Variants in TAF3 observed in about 807,000 individuals in gnomAD.
TAF3 encodes the protein transcription initiation factor TFIID subunit 3.
Under a neutral mutation model 80.6 loss-of-function variants are expected in TAF3, and 7 were observed. That is an observed-to-expected ratio of 0.09 (90% confidence interval 0.05 to 0.16). TAF3 has a LOEUF of 0.16. Among genes scored for constraint, TAF3 ranks in the 10% least tolerant of loss-of-function variants. The probability of loss-of-function intolerance (pLI) is 1.00; values close to 1 mark genes in which losing one functional copy is unlikely to be tolerated. For missense variants in TAF3, 921 were observed against 1,140.2 expected (o/e 0.81, Z 2.77); for synonymous variants, 444 against 446.1 (o/e 1.00, Z 0.06).
At position 8,013,849 on chromosome 10, in the gene TAF3, G is replaced by T. The variant is rs1208729322; in HGVS notation, c.2675+12G>T. On this transcript the variant is annotated intron_variant, in intron 6 of 6. Transcript: ENST00000344293. The stretch of plus-strand genomic sequence containing the variant: ...GACTGGTACCACTGGTGAGTGCCCA[G>T]GGCGCCCTGCCGGCCACACTCATTA... 6.2e-7 allele frequency: 1 copy of T among 1,611,560 alleles called. No individual in the cohort carries two copies. The highest frequency in any genetic ancestry group is 8.5e-7 in the Non-Finnish European group (1 of 1,177,680).
chr10:7,864,773 A>G (rs768240631), intron 2 of TAF3, among the ~76,000 whole-genome samples: 28 of 151,440 alleles, frequency 1.8e-4, no homozygotes, highest in Non-Finnish European at 3.2e-4. Context: ...TTTTATTAAC[A>G]TTATCTTTCA....
At chr10:7,939,363 T>C (rs1277740032) in intron 2 of TAF3, among the ~76,000 whole-genome samples, 1 of 151,998 alleles carries the variant, frequency 6.6e-6, no homozygotes, top group Non-Finnish European at 1.5e-5. Flanking sequence ...AACTGAGCTT[T>C]CCCAGGGAAA....
chr10:7,888,389 A>T (rs2131160947), intron 2 of TAF3, among the ~76,000 whole-genome samples: 1 of 152,274 alleles, frequency 6.6e-6, no homozygotes, highest in East Asian at 1.9e-4. Flanking sequence ...ATCTAAATTT[A>T]TAAAAAAAAA....
At chr10:7,983,029 A>G (rs1831740939) in intron 4 of TAF3, among the ~76,000 whole-genome samples, 1 of 151,518 alleles carries the variant, frequency 6.6e-6, no homozygotes, top group Non-Finnish European at 1.5e-5. Context: ...AGAGGGGAAA[A>G]CAGCAGGGGT....
At chr10:7,932,107 A>G (rs1837873802) in intron 2 of TAF3, among the ~76,000 whole-genome samples, 2 of 152,252 alleles carry the variant, frequency 1.3e-5, no homozygotes, top group South Asian at 4.1e-4. Context: ...TGAGTCTTAG[A>G]AATTTAACTC....
At chr10:7,875,248 T>A (rs1183557068) in intron 2 of TAF3, among the ~76,000 whole-genome samples, 1 of 152,194 alleles carries the variant, frequency 6.6e-6, no homozygotes, top group East Asian at 1.9e-4. Flanking sequence ...ACCATTTAAG[T>A]TGCAGGTAAT....
At chr10:7,840,317 T>C (rs1481394444) in intron 2 of TAF3, among the ~76,000 whole-genome samples, 2 of 151,968 alleles carry the variant, frequency 1.3e-5, no homozygotes, top group African/African-American at 4.8e-5. Context: ...CACGCCTGGC[T>C]AATTGTTTGT....
In TAF3 at chr10:8,009,961, G is replaced by T. The variant is rs1485301301; in HGVS notation, c.2568+631G>T. On this transcript the variant is annotated intron_variant, in intron 5 of 6. Transcript: ENST00000344293. The surrounding 1 kb of genome is among the most constrained non-coding windows in gnomAD (Gnocchi z 4.1). ...GGATTTCACTCTGTCACCGAGGCTG[G>T]AGTGCAGTGGTACGATCTCGGCTCA... Among the ~76,000 whole-genome samples the T allele has an allele frequency of 1.3e-5, 2 of 151,938 alleles. No individual in the cohort carries two copies. The highest frequency in any genetic ancestry group is 4.8e-5 in the African/African-American group (2 of 41,338).
intron 2 of TAF3, among the ~76,000 whole-genome samples, chr10:7,955,633 G>A (rs1009829962): frequency 1.3e-5 from 2 of 152,154 alleles, no homozygotes; most frequent in African/African-American, 2.4e-5. Flanking sequence ...TTAGATTATA[G>A]TGTTTCTTTA....
intron 2 of TAF3, among the ~76,000 whole-genome samples, chr10:7,957,674 CT>C: frequency 6.6e-6 from 1 of 151,940 alleles, no homozygotes; most frequent in Middle Eastern, 3.4e-3. Context: ...CAGAAGAGTC[CT>C]TTTCTCCCGT....
Position 7,957,619 on chromosome 10 carries a change from C to A in TAF3, c.410-6301C>A, listed in dbSNP as rs536852438. Reference sequence around the variant, plus strand: ...TGTGTGAAAACTTACAACTAACAATCAATTTTTTAAATTTTTTTTTCAATA... The same window carrying A: ...TGTGTGAAAACTTACAACTAACAATAAATTTTTTAAATTTTTTTTTCAATA... On this transcript the variant is annotated intron_variant, in intron 2 of 6. Transcript: ENST00000344293. Among the ~76,000 whole-genome samples, 17 of 152,128 alleles carry A rather than the reference C, an allele frequency of 1.1e-4. No homozygotes were observed. The South Asian group carries it at 3.5e-3, about 32-fold the overall frequency.
At chr10:7,961,256 G>A (rs1838187094) in intron 2 of TAF3, among the ~76,000 whole-genome samples, 1 of 152,204 alleles carries the variant, frequency 6.6e-6, no homozygotes, top group African/African-American at 2.4e-5. Flanking sequence ...ATGACCCCAG[G>A]TTCCTGACTT....
At chr10:7,861,951 T>A (rs1837152576) in intron 2 of TAF3, among the ~76,000 whole-genome samples, 1 of 152,230 alleles carries the variant, frequency 6.6e-6, no homozygotes, top group Non-Finnish European at 1.5e-5. Context: ...TTGATATTGT[T>A]CCATAGAGTC....
At chr10:7,943,208 A>G (rs1350095984) in intron 2 of TAF3, among the ~76,000 whole-genome samples, 1 of 152,114 alleles carries the variant, frequency 6.6e-6, no homozygotes, top group Non-Finnish European at 1.5e-5. Context: ...CTTGAATGAA[A>G]CAGGCGCTCG....
chr10:7,976,622 C>T (rs1831675912), intron 3 of TAF3, among the ~76,000 whole-genome samples: 1 of 152,106 alleles, frequency 6.6e-6, no homozygotes, highest in Non-Finnish European at 1.5e-5. Flanking sequence ...CCAAACTGAT[C>T]TCGAATTCCT....
chr10:7,824,411 T>A lies in TAF3; in HGVS notation c.260T>A (p.Ile87Asn), dbSNP rs753329147. ...GAACTAGAAGACTATATTCACAACA[T>A]TGAGCCTGTCACCTTCCCACACCAA... ...LHELEDYIHNIEPVTFPHQIP... is the reference protein window; with the variant it reads ...LHELEDYIHNNEPVTFPHQIP... The change falls in exon 2 of 7, where the codon ATT becomes AAT. Residue 87 changes from isoleucine (I) to asparagine (N), a missense_variant. By Grantham distance (149) the Ile-to-Asn change is moderately radical. This residue lies in a region of TAF3 where 106 missense variants were observed against 191.8 expected (regional missense o/e 0.55). Coordinates refer to ENST00000344293, the MANE Select transcript of TAF3 (RefSeq NM_031923.4). The A allele has an allele frequency of 1.2e-6, 2 of 1,614,080 alleles. No homozygotes were observed. The highest frequency in any genetic ancestry group is 1.7e-6 in the Non-Finnish European group (2 of 1,180,036).
At chr10:7,984,104 T>C (rs1415395891) in intron 4 of TAF3, among the ~76,000 whole-genome samples, 2 of 152,186 alleles carry the variant, frequency 1.3e-5, no homozygotes, top group Non-Finnish European at 2.9e-5. Flanking sequence ...ACTTACAAAT[T>C]CAGCAGTCCC....
At chr10:7,996,532 C>G (rs1831888833) in intron 4 of TAF3, among the ~76,000 whole-genome samples, 1 of 151,868 alleles carries the variant, frequency 6.6e-6, no homozygotes, top group South Asian at 2.1e-4. Context: ...AATCAGAAAG[C>G]AAAAATATGG....
chr10:7,829,204 C>T (rs756837533), intron 2 of TAF3, among the ~76,000 whole-genome samples: 1 of 152,046 alleles, frequency 6.6e-6, no homozygotes, highest in Non-Finnish European at 1.5e-5. Flanking sequence ...TTTTGATTTA[C>T]AGAAAAAATT....
Sources: gnomAD v4.1 joint callset for allele counts (sites outside exome capture counted in the v4.1 genomes callset) on GRCh38, gnomAD v4.1.1 for gene constraint, gnomAD v4.1.1 regional missense constraint, Gnocchi (gnomAD v3.1) non-coding constraint, MANE v1.5 for transcripts, NCBI Gene and HGNC (gene_info 2026-07-23, HGNC 2026-07-21) for gene names.